BIRC6: variants seen among roughly 807,000 people sequenced by gnomAD.
BIRC6 encodes baculoviral IAP repeat containing 6.
Under a neutral mutation model 503.3 loss-of-function variants are expected in BIRC6, and 98 were observed. That is an observed-to-expected ratio of 0.19 (90% CI 0.17 to 0.23). The LOEUF is 0.23. Ranked by LOEUF, BIRC6 falls within the 10% of genes least tolerant of loss-of-function variation. The pLI, the probability that BIRC6 is intolerant of heterozygous loss-of-function variation, is 1.00. For synonymous variants in BIRC6, 2,240 were observed against 2,078.7 expected (o/e 1.08, Z -2.11); for missense variants, 5,360 against 5,806.0 (o/e 0.92, Z 2.50).
intron 61 of BIRC6, among the ~76,000 whole-genome samples, chr2:32,533,886 T>C (rs1432543592): frequency 6.6e-6 from 1 of 152,240 alleles, no homozygotes. Context: ...TGTGCTGTTC[T>C]GAGCCACTGA....
intron 49 of BIRC6, among the ~76,000 whole-genome samples, chr2:32,503,555 G>A (rs1010581034): frequency 6.6e-6 from 1 of 152,126 alleles, no homozygotes; most frequent in Non-Finnish European, 1.5e-5. Context: ...CCGAGTAGCT[G>A]GGATTACAGG....
intron 1 of BIRC6, among the ~76,000 whole-genome samples, chr2:32,365,175 A>T (rs1262464121): frequency 6.6e-6 from 1 of 152,198 alleles, no homozygotes; most frequent in Non-Finnish European, 1.5e-5. Flanking sequence ...GGAGCCAGAC[A>T]ATTTAAGTTC....
intron 5 of BIRC6, among the ~76,000 whole-genome samples, chr2:32,394,674 A>T (rs1338056458): frequency 6.6e-6 from 1 of 152,178 alleles, no homozygotes; most frequent in Non-Finnish European, 1.5e-5. Flanking sequence ...TCTACAAAAA[A>T]AATAACAGAA....
At chr2:32,363,006 G>GT in intron 1 of BIRC6, among the ~76,000 whole-genome samples, 1 of 152,232 alleles carries the variant, frequency 6.6e-6, no homozygotes, top group South Asian at 2.1e-4. Flanking sequence ...CCCCAAAAAT[G>GT]TTTGTCTTAT....
intron 65 of BIRC6, chr2:32,565,633 A>G (rs2059485794): frequency 6.6e-6 from 1 of 152,208 alleles, no homozygotes. Context: ...AAGTAAATAT[A>G]AATACATATT....
intron 65 of BIRC6, chr2:32,564,426 A>G (rs938630301): frequency 6.6e-6 from 1 of 152,214 alleles, no homozygotes; most frequent in African/African-American, 2.4e-5. Flanking sequence ...TGCAGTGAGC[A>G]TTAGCATACA....
chr2:32,521,717 TG>T (rs1191256310), intron 57 of BIRC6, among the ~76,000 whole-genome samples: 1 of 151,658 alleles, frequency 6.6e-6, no homozygotes, highest in Non-Finnish European at 1.5e-5. Context: ...TGACCTCAAG[TG>T]ATCTGCCTTC....
chr2:32,546,839 GA>G lies in BIRC6; in HGVS notation c.12810+980del, dbSNP rs1401588450. On this transcript the variant is annotated intron_variant, in intron 63 of 73. Transcript: ENST00000421745. ...CATGTTTGTAATCCCAGCACTTTGG[GA>G]CATAGAGGCAGGCAGATCACTTAAG... 2.0e-5 allele frequency among the ~76,000 whole-genome samples: 3 copies of G among 152,182 alleles called. No individual in the cohort carries two copies. In the East Asian group the frequency reaches 5.8e-4, roughly 29 times the overall value.
At position 32,603,035 on chromosome 2, in the gene BIRC6, T is replaced by C. The variant is rs764968948; in HGVS notation, c.14022T>C (p.His4674=). ...KVCLSILNTW[H]GRPEEKWNPQ... ...GTTTAAGCATCTTAAACACGTGGCA[T>C]GGAAGACCAGAAGAGAAGTGGAATC... Residue 4674 remains histidine, a synonymous_variant, in exon 71 of 74, where the codon CAT becomes CAC. Coordinates refer to ENST00000421745, the MANE Select transcript of BIRC6 (RefSeq NM_016252.4). 6.2e-7 allele frequency: 1 copy of C among 1,612,152 alleles called. No individual in the cohort carries two copies. The highest frequency in any genetic ancestry group is 1.7e-5 in the Admixed American group (1 of 59,594).
rs113946422 is a variant in BIRC6 at position 32,512,337 on chromosome 2, C to T, written c.10347-596C>T. On this transcript the variant is annotated intron_variant, in intron 53 of 73. Coordinates refer to ENST00000421745, the MANE Select transcript of BIRC6 (RefSeq NM_016252.4). ...GAACTTGAGAAATCTAAAAGTCTTT[C>T]GCTCCCAGGTTGTGGTTCAAAATTG... is the stretch of plus-strand genomic sequence containing the variant. 6.5e-3 allele frequency among the ~76,000 whole-genome samples: 997 copies of T among 152,236 alleles called. 11 individuals carry two copies. The highest frequency in any genetic ancestry group is 0.015 in the Admixed American group (234 of 15,288).
chr2:32,588,057 TAACTG>T (rs776478024), intron 66 of BIRC6, among the ~76,000 whole-genome samples: 2 of 152,160 alleles, frequency 1.3e-5, no homozygotes, highest in Non-Finnish European at 2.9e-5. Context: ...CTTGCAGTAT[TAACTG>T]AATAAGAATT....
intron 10 of BIRC6, among the ~76,000 whole-genome samples, chr2:32,419,465 AAG>A (rs924174670): frequency 2.6e-5 from 4 of 152,034 alleles, no homozygotes; most frequent in Non-Finnish European, 5.9e-5. Flanking sequence ...TAAAATAAAA[AAG>A]TATGAATTTC....
chr2:32,385,654 C>G (rs912636669), intron 3 of BIRC6, among the ~76,000 whole-genome samples: 1 of 152,198 alleles, frequency 6.6e-6, no homozygotes, highest in Non-Finnish European at 1.5e-5. Flanking sequence ...CTGTGGACTT[C>G]TAGTGTCAGT....
At chr2:32,482,731 T>C in intron 39 of BIRC6, 149 bp downstream of exon 39, 1 of 784,884 alleles carries the variant, frequency 1.3e-6, no homozygotes, top group Non-Finnish European at 2.0e-6. Context: ...CAGAGCTGTT[T>C]CTTTGTAGTC....
intron 37 of BIRC6, among the ~76,000 whole-genome samples, chr2:32,480,672 G>T: frequency 2.2e-5 from 2 of 90,866 alleles, no homozygotes. Flanking sequence ...ACGGAGTCTT[G>T]CTCTTGTCAC....
intron 1 of BIRC6, among the ~76,000 whole-genome samples, chr2:32,369,543 T>C (rs2035472279): frequency 6.6e-6 from 1 of 151,554 alleles, no homozygotes. Flanking sequence ...TTCTTCTGCT[T>C]CAGCCTCCCG....
chr2:32,403,481 C>T (rs2040818066), intron 8 of BIRC6, among the ~76,000 whole-genome samples: 1 of 151,988 alleles, frequency 6.6e-6, no homozygotes, highest in South Asian at 2.1e-4. Flanking sequence ...CTATATTTGT[C>T]TTCTGAATTA....
At chr2:32,416,280 T>C in intron 10 of BIRC6, 117 bp downstream of exon 10, 3 of 1,054,836 alleles carry the variant, frequency 2.8e-6, no homozygotes, top group Non-Finnish European at 4.1e-6. Context: ...TTAATTTTTT[T>C]GTAATGAAGT....
rs2056782562 is a variant in BIRC6 at position 32,531,801 on chromosome 2, C to T, written c.12291+250C>T. 2.0e-5 allele frequency among the ~76,000 whole-genome samples: 3 copies of T among 152,152 alleles called. No homozygotes were observed. In the South Asian group the frequency reaches 6.2e-4, roughly 31 times the overall value. Reference sequence around the variant, plus strand: ...TACACTGTTGCATTTATCTTGATTTCATGGTTGTAACACTAGCATTCTCTT... The same window carrying T: ...TACACTGTTGCATTTATCTTGATTTTATGGTTGTAACACTAGCATTCTCTT... On this transcript the variant is annotated intron_variant, in intron 61 of 73. Transcript: ENST00000421745.
Sources: gnomAD v4.1 joint callset for allele counts (sites outside exome capture counted in the v4.1 genomes callset) on GRCh38, gnomAD v4.1.1 for gene constraint, MANE v1.5 for transcripts, NCBI Gene and HGNC (gene_info 2026-07-23, HGNC 2026-07-21) for gene names.